The following RXFP1 variants were observed in gnomAD, a reference collection of about 807,000 sequenced individuals.
The protein encoded by RXFP1 is relaxin family peptide receptor 1.
Under a neutral mutation model 89.8 loss-of-function variants are expected in RXFP1, and 73 were observed. The observed-to-expected ratio is 0.81, with a 90% confidence interval of 0.67 to 0.99. The LOEUF (loss-of-function observed/expected upper bound fraction) is 0.99. RXFP1 is among the 50% of genes least tolerant of loss of function. RXFP1 has a pLI of 0.00. For missense variants in RXFP1, 793 were observed against 895.5 expected, an observed-to-expected ratio of 0.89 and a Z score of 1.46; for synonymous variants, 277 against 305.5, an observed-to-expected ratio of 0.91 and a Z score of 0.97.
chr4:158,605,002 C>A, intron 4 of RXFP1, 66 bp from the exon 5 acceptor site: 3 of 825,356 alleles, frequency 3.6e-6, no homozygotes, highest in Non-Finnish European at 6.0e-6. Context: ...TGTAATTATC[C>A]CTATTGTTGT....
At chr4:158,526,596 T>G (rs995820391) in intron 1 of RXFP1, among the ~76,000 whole-genome samples, 20 of 152,234 alleles carry the variant, frequency 1.3e-4, no homozygotes, top group African/African-American at 4.6e-4. Flanking sequence ...TAAAGTGAGA[T>G]ATCATGTTGT....
intron 9 of RXFP1, 58 bp from the exon 10 acceptor site, chr4:158,626,762 C>A: frequency 4.8e-6 from 5 of 1,044,644 alleles, no homozygotes; most frequent in Non-Finnish European, 4.3e-6. Context: ...TAATTTTAAC[C>A]AATTTATTTC....
intron 17 of RXFP1, 95 bp downstream of exon 17, chr4:158,648,812 T>C: frequency 1.3e-6 from 1 of 788,580 alleles, no homozygotes; most frequent in Non-Finnish European, 2.0e-6. Flanking sequence ...ACTAAACAAT[T>C]CAAAGAATTG....
chr4:158,561,591 T>A (rs1268612472), intron 1 of RXFP1, among the ~76,000 whole-genome samples: 3 of 151,510 alleles, frequency 2.0e-5, no homozygotes, highest in African/African-American at 7.3e-5. Flanking sequence ...GCATTTTGAA[T>A]AAGAAATACA....
intron 2 of RXFP1, among the ~76,000 whole-genome samples, chr4:158,586,043 C>T (rs1305756126): frequency 6.6e-6 from 1 of 152,232 alleles, no homozygotes; most frequent in Non-Finnish European, 1.5e-5. Context: ...TCTTCCAAAA[C>T]TTGCTTTAAG....
At chr4:158,643,430 A>T (rs1186131890) in intron 14 of RXFP1, among the ~76,000 whole-genome samples, 2 of 150,734 alleles carry the variant, frequency 1.3e-5, no homozygotes, top group Non-Finnish European at 2.9e-5. Flanking sequence ...TTTTCTTTGA[A>T]TAGATTCTCA....
rs958672327 is a variant in RXFP1 at position 158,652,133 on chromosome 4, C to T, written c.*78C>T. On this transcript the variant is annotated 3_prime_UTR_variant, in exon 18 of 18. Transcript: ENST00000307765. Reference sequence around the variant, plus strand: ...GGGATTTACTGGTATGAAATGAATACCACAAAATTAATTTATAATAATAGC... The same window carrying T: ...GGGATTTACTGGTATGAAATGAATATCACAAAATTAATTTATAATAATAGC... 109 of 1,152,164 alleles carry T rather than the reference C, an allele frequency of 9.5e-5. No individual in the cohort carries two copies. The highest frequency in any genetic ancestry group is 2.0e-4 in the Middle Eastern group (1 of 4,980). The allele number at this position is 1,152,164 out of a possible 1,614,324, so 71.4% of individuals were successfully genotyped here. A position where few individuals can be genotyped will look rare whatever the true frequency, so the allele number is the denominator to read the frequency against.
At chr4:158,636,287 A>T (rs1017244858) in intron 12 of RXFP1, among the ~76,000 whole-genome samples, 2 of 152,188 alleles carry the variant, frequency 1.3e-5, no homozygotes, top group African/African-American at 4.8e-5. Flanking sequence ...ATGTTTCATG[A>T]CTTAAGATTT....
intron 1 of RXFP1, among the ~76,000 whole-genome samples, chr4:158,557,776 T>C (rs944516247): frequency 6.6e-6 from 1 of 152,226 alleles, no homozygotes; most frequent in Non-Finnish European, 1.5e-5. Context: ...ACATTAAGTG[T>C]TAAGTTAATC....
At chr4:158,633,372 A>C in intron 11 of RXFP1, 33 bp from the exon 12 acceptor site, 1 of 1,362,514 alleles carries the variant, frequency 7.3e-7, no homozygotes, top group Non-Finnish European at 1.0e-6. Context: ...GTCTTAAGAA[A>C]ATAATATCAC....
At chr4:158,527,564 A>AAAAATAT (rs5741905) in intron 1 of RXFP1, among the ~76,000 whole-genome samples, 1 of 98,336 alleles carries the variant, frequency 1.0e-5, no homozygotes, top group Non-Finnish European at 2.0e-5. Flanking sequence ...AAAAAAAAAA[A>AAAAATAT]ATATATATAT....
At chr4:158,651,175 A>G (rs1772648430) in intron 17 of RXFP1, among the ~76,000 whole-genome samples, 1 of 152,148 alleles carries the variant, frequency 6.6e-6, no homozygotes, top group Non-Finnish European at 1.5e-5. Context: ...TTAAATTATA[A>G]TCAAATCAGA....
intron 1 of RXFP1, among the ~76,000 whole-genome samples, chr4:158,571,093 TC>T (rs1340449935): frequency 6.6e-6 from 1 of 152,220 alleles, no homozygotes; most frequent in African/African-American, 2.4e-5. Context: ...ACAGTTATTT[TC>T]CATTACATCA....
chr4:158,527,564 A>AAAAATATATAT lies in RXFP1; in HGVS notation c.49+5540_49+5541insAAATATATATA, dbSNP rs5741905. 3.7e-3 allele frequency among the ~76,000 whole-genome samples: 362 copies of AAAAATATATAT among 98,314 alleles called. 2 individuals carry two copies. Among genetic ancestry groups the AAAAATATATAT allele is most frequent in the East Asian group, 0.015 (46 of 3,156 alleles). 64.5% of individuals were successfully genotyped at this position (98,314 alleles called of 152,430 possible). Reference sequence around the variant, plus strand: ...ATCTCCCCCGCTCCAAAAAAAAAAAAATATATATATATATGTATATATATA... The same window carrying AAAAATATATAT: ...ATCTCCCCCGCTCCAAAAAAAAAAAAAAAATATATATATATATATATATATGTATATATATA... On this transcript the variant is annotated intron_variant, in intron 1 of 17. Coordinates refer to ENST00000307765, the MANE Select transcript of RXFP1 (RefSeq NM_021634.4).
chr4:158,548,598 C>T (rs1053908481), intron 1 of RXFP1, among the ~76,000 whole-genome samples: 11 of 152,128 alleles, frequency 7.2e-5, no homozygotes, highest in Non-Finnish European at 1.5e-4. Flanking sequence ...CTGGTTGTTC[C>T]TTTCCTTGTT....
chr4:158,540,466 C>T (rs375998714), intron 1 of RXFP1, among the ~76,000 whole-genome samples: 3 of 151,822 alleles, frequency 2.0e-5, no homozygotes, highest in African/African-American at 7.3e-5. Context: ...AGCCAGAGGT[C>T]ACTCTTGTCA....
chr4:158,567,033 G>A (rs775364416), intron 1 of RXFP1, among the ~76,000 whole-genome samples: 8 of 152,218 alleles, frequency 5.3e-5, no homozygotes, highest in Non-Finnish European at 1.0e-4. Context: ...GCCAGCACTC[G>A]GAGTGGCCGG....
At chr4:158,575,022 A>G (rs1411673462) in intron 2 of RXFP1, among the ~76,000 whole-genome samples, 1 of 152,230 alleles carries the variant, frequency 6.6e-6, no homozygotes, top group Non-Finnish European at 1.5e-5. Context: ...TTCTAGACAG[A>G]GCAACAGGAA....
chr4:158,625,516 T>G lies in RXFP1; in HGVS notation c.756-1304T>G, dbSNP rs559077353. Among the ~76,000 whole-genome samples, 21 of 152,268 alleles carry G rather than the reference T, an allele frequency of 1.4e-4. No individual in the cohort carries two copies. The South Asian group carries it at 4.3e-3, about 32-fold the overall frequency. Reference sequence around the variant, plus strand: ...CATAGAAAACCCCTGATATATTCTATAGCCTGACTTCAAATATATCTCTCA... The same window carrying G: ...CATAGAAAACCCCTGATATATTCTAGAGCCTGACTTCAAATATATCTCTCA... On this transcript the variant is annotated intron_variant, in intron 9 of 17. Transcript: ENST00000307765.
Sources: allele counts gnomAD v4.1 joint callset (sites outside exome capture counted in the v4.1 genomes callset), GRCh38; gene constraint gnomAD v4.1.1; transcripts MANE v1.5; gene names NCBI Gene and HGNC (gene_info 2026-07-23, HGNC 2026-07-21).